Variants in EIF5A2 observed in about 807,000 individuals in gnomAD.
EIF5A2 encodes the protein eukaryotic translation initiation factor 5A2, also known as eukaryotic translation initiation factor 5A-2.
Under a neutral mutation model 16.4 loss-of-function variants are expected in EIF5A2, and 15 were observed. That is an observed-to-expected ratio of 0.92 (90% CI 0.61 to 1.41). The LOEUF (loss-of-function observed/expected upper bound fraction) is 1.41, where lower values mean the gene tolerates loss of function less well. Among genes scored for constraint, EIF5A2 ranks in the 40% most tolerant of loss-of-function variants. The pLI is 0.00. For missense variants in EIF5A2, 144 were observed against 189.5 expected, an observed-to-expected ratio of 0.76 and a Z score of 1.41; for synonymous variants, 48 against 61.1, an observed-to-expected ratio of 0.79 and a Z score of 1.00.
At chr3:170,894,504 GATATTAATTCATATAAGT>G in intron 3 of EIF5A2, 81 bp from the exon 4 acceptor site, 2 of 1,256,366 alleles carry the variant, frequency 1.6e-6, no homozygotes, top group Non-Finnish European at 2.3e-6. Flanking sequence ...AATTGCAATT[GATATTAATTCATATAAGT>G]ATACAGTAAT....
rs1397183580 is a variant in EIF5A2 at position 170,893,202 on chromosome 3, T to G, written c.*158A>C. 1 of 546,006 alleles carries G rather than the reference T, an allele frequency of 1.8e-6. No homozygotes were observed. Among genetic ancestry groups the G allele is most frequent in the East Asian group, 3.3e-5 (1 of 30,310 alleles). 33.8% of individuals were successfully genotyped at this position (546,006 alleles called of 1,614,324 possible). ...ATACATATTGATAATTTTTTAAAAATTATCAATTGCTTGCAAAACTAACCC... is the reference window on the plus strand; with the variant it reads ...ATACATATTGATAATTTTTTAAAAAGTATCAATTGCTTGCAAAACTAACCC... On this transcript the variant is annotated 3_prime_UTR_variant, in exon 5 of 5. Coordinates refer to ENST00000295822, the MANE Select transcript of EIF5A2 (RefSeq NM_020390.6).
Position 170,894,328 on chromosome 3 carries a change from T to C in EIF5A2, c.366A>G (p.Glu122=). Residue 122 remains glutamate, a synonymous_variant, in exon 4 of 5, where the codon GAA becomes GAG. Transcript: ENST00000295822. ...CACCTGCATTGTATTTTCCCTCTAT[T>C]TCTTTGCCTAGTTCACCTTCTGGCA... ...LKLPEGELGK[E]IEGKYNAGED... The C allele has an allele frequency of 6.2e-7, 1 of 1,614,066 alleles. No homozygotes were observed. The highest frequency in any genetic ancestry group is 8.5e-7 in the Non-Finnish European group (1 of 1,179,970).
chr3:170,890,145 A>C lies in EIF5A2; in HGVS notation c.*3215T>G, dbSNP rs1284485567. The C allele has an allele frequency of 6.6e-6, 1 of 152,400 alleles. No individual in the cohort carries two copies. The highest frequency in any genetic ancestry group is 2.4e-5 in the African/African-American group (1 of 41,462). 9.4% of individuals were successfully genotyped at this position (152,400 alleles called of 1,614,324 possible). Reference sequence around the variant, plus strand: ...TTCTAATTGAGAAACCTTAAAGTACAAAAACAAGTTGTGGAAAGTTGTAAA... The same window carrying C: ...TTCTAATTGAGAAACCTTAAAGTACCAAAACAAGTTGTGGAAAGTTGTAAA... On this transcript the variant is annotated 3_prime_UTR_variant, in exon 5 of 5. Transcript: ENST00000295822.
chr3:170,893,433 A>G lies in EIF5A2; in HGVS notation c.403-14T>C, dbSNP rs755712199. 1.1e-5 allele frequency: 17 copies of G among 1,613,660 alleles called. No homozygotes were observed. The Admixed American group carries it at 2.7e-4, about 25-fold the overall frequency. Reference sequence around the variant, plus strand: ...CATGACAGACACCTAGAAGGAAAAAAGCAGGCAAAACGTTATTCAGAAGAC... The same window carrying G: ...CATGACAGACACCTAGAAGGAAAAAGGCAGGCAAAACGTTATTCAGAAGAC... On this transcript the variant is annotated splice_polypyrimidine_tract_variant and intron_variant, in intron 4 of 4. Coordinates refer to ENST00000295822, the MANE Select transcript of EIF5A2 (RefSeq NM_020390.6).
intron 3 of EIF5A2, among the ~76,000 whole-genome samples, chr3:170,901,312 T>C (rs1427678647): frequency 1.3e-5 from 2 of 152,174 alleles, no homozygotes; most frequent in East Asian, 1.9e-4. Flanking sequence ...AAAAATGCTA[T>C]AGTATATATG....
At position 170,891,088 on chromosome 3, in the gene EIF5A2, C is replaced by T. The variant is rs763711596; in HGVS notation, c.*2272G>A. ...AATTTGTACACCCTTAATTTGTACACAATTGAAAATATATTTATGTGAAAT... is the reference window on the plus strand; with the variant it reads ...AATTTGTACACCCTTAATTTGTACATAATTGAAAATATATTTATGTGAAAT... On this transcript the variant is annotated 3_prime_UTR_variant, in exon 5 of 5. Transcript: ENST00000295822. 2.6e-5 allele frequency: 4 copies of T among 152,382 alleles called. No homozygotes were observed. Among genetic ancestry groups the T allele is most frequent in the Non-Finnish European group, 5.9e-5 (4 of 67,964 alleles). 9.4% of individuals were successfully genotyped at this position (152,382 alleles called of 1,614,324 possible). A position where few individuals can be genotyped will look rare whatever the true frequency, so the allele number is the denominator to read the frequency against.
At chr3:170,897,916 G>A (rs1712713537) in intron 3 of EIF5A2, among the ~76,000 whole-genome samples, 1 of 152,176 alleles carries the variant, frequency 6.6e-6, no homozygotes, top group South Asian at 2.1e-4. Flanking sequence ...GAGCCACAGG[G>A]GTGGAGCTGC....
intron 4 of EIF5A2, among the ~76,000 whole-genome samples, chr3:170,894,030 CAA>C (rs200594446): frequency 6.5e-5 from 7 of 106,878 alleles, no homozygotes; most frequent in Non-Finnish European, 7.8e-5. Flanking sequence ...GACTCCGTCT[CAA>C]AAAAAAAAAA....
At chr3:170,902,607 CT>C (rs1178996738) in intron 3 of EIF5A2, among the ~76,000 whole-genome samples, 5,883 of 102,210 alleles carry the variant, frequency 0.058, 334 homozygotes, top group African/African-American at 0.2. Flanking sequence ...AGAAGCCTTC[CT>C]TTTTTTTTTT....
intron 2 of EIF5A2, 117 bp downstream of exon 2, chr3:170,907,525 G>A: frequency 8.2e-7 from 1 of 1,223,100 alleles, no homozygotes; most frequent in South Asian, 2.0e-5. Flanking sequence ...ATTGTGGGAA[G>A]GAAAAAATAG....
chr3:170,904,571 G>A (rs1023367578), intron 3 of EIF5A2, among the ~76,000 whole-genome samples: 2 of 152,088 alleles, frequency 1.3e-5, no homozygotes, highest in African/African-American at 4.8e-5. Flanking sequence ...ACAGCTTAGT[G>A]CAGCCTTGAC....
At chr3:170,904,213 A>G (rs1712878628) in intron 3 of EIF5A2, among the ~76,000 whole-genome samples, 1 of 152,252 alleles carries the variant, frequency 6.6e-6, no homozygotes, top group African/African-American at 2.4e-5. Context: ...ATCTTGAAAG[A>G]GAAGTTAGGA....
At chr3:170,896,336 A>G (rs1218527810) in intron 3 of EIF5A2, among the ~76,000 whole-genome samples, 1 of 152,228 alleles carries the variant, frequency 6.6e-6, no homozygotes, top group Non-Finnish European at 1.5e-5. Flanking sequence ...CTAAGCTACG[A>G]AAAACAAAAA....
chr3:170,902,398 CTTTTTTT>C (rs36044967), intron 3 of EIF5A2, among the ~76,000 whole-genome samples: 1 of 91,378 alleles, frequency 1.1e-5, no homozygotes, highest in Non-Finnish European at 2.0e-5. Context: ...GCCATTCAGC[CTTTTTTT>C]TTTTTTTTTT....
rs1712572852 is a variant in EIF5A2 at position 170,892,998 on chromosome 3, TACC to T, written c.*359_*361del. 2.5e-6 allele frequency: 1 copy of T among 406,620 alleles called. No homozygotes were observed. The allele number at this position is 406,620 out of a possible 1,614,324, so 25.2% of individuals were successfully genotyped here. ...GTTCAACTTAAATATGGTACTTCAA[TACC>T]ACTTTATGCTACATTGTTTGATTTA... On this transcript the variant is annotated 3_prime_UTR_variant, in exon 5 of 5. Coordinates refer to ENST00000295822, the MANE Select transcript of EIF5A2 (RefSeq NM_020390.6).
At chr3:170,895,798 G>A (rs760506876) in intron 3 of EIF5A2, among the ~76,000 whole-genome samples, 5 of 152,202 alleles carry the variant, frequency 3.3e-5, no homozygotes, top group Non-Finnish European at 5.9e-5. Flanking sequence ...GGCTGGTAGA[G>A]AAGTGGGAGC....
In EIF5A2 at chr3:170,901,249, C is replaced by T. The variant is rs567793447; in HGVS notation, c.270+5740G>A. On this transcript the variant is annotated intron_variant, in intron 3 of 4. Coordinates refer to ENST00000295822, the MANE Select transcript of EIF5A2 (RefSeq NM_020390.6). ...AATTGTTGAAGCTGAGTGACAGGTA[C>T]ACAGGATTCATTATACTATACTTTG... Among the ~76,000 whole-genome samples the T allele has an allele frequency of 2.6e-5, 4 of 152,252 alleles. No individual in the cohort carries two copies. The South Asian group carries it at 8.3e-4, about 32-fold the overall frequency.
At chr3:170,899,094 T>A (rs1712742846) in intron 3 of EIF5A2, among the ~76,000 whole-genome samples, 1 of 152,206 alleles carries the variant, frequency 6.6e-6, no homozygotes, top group African/African-American at 2.4e-5. Flanking sequence ...ATTGTCCTAG[T>A]ATTGTCCTGG....
At chr3:170,902,790 A>G (rs753736903) in intron 3 of EIF5A2, among the ~76,000 whole-genome samples, 1 of 151,922 alleles carries the variant, frequency 6.6e-6, no homozygotes, top group Non-Finnish European at 1.5e-5. Context: ...TGTATTTATT[A>G]GAGACGGGGT....
Sources: gnomAD v4.1 joint callset for allele counts (sites outside exome capture counted in the v4.1 genomes callset) on GRCh38, gnomAD v4.1.1 for gene constraint, MANE v1.5 for transcripts, NCBI Gene and HGNC (gene_info 2026-07-23, HGNC 2026-07-21) for gene names.